Variants in TMEM132D observed in about 807,000 individuals in gnomAD.
The protein encoded by TMEM132D is mature OL transmembrane protein.
Under a neutral mutation model 62.3 loss-of-function variants are expected in TMEM132D, and 21 were observed. The observed-to-expected ratio is 0.34, with a 90% CI of 0.24 to 0.49. The LOEUF is 0.49. Ranked by LOEUF, TMEM132D falls within the 20% of genes least tolerant of loss-of-function variation. The pLI is 0.99. For synonymous variants in TMEM132D, 621 were observed against 575.6 expected (o/e 1.08, Z -1.13); for missense variants, 1,346 against 1,402.8 (o/e 0.96, Z 0.65).
Position 129,587,863 on chromosome 12 carries a change from G to A in TMEM132D, c.969-56658C>T, listed in dbSNP as rs546718592. Among the ~76,000 whole-genome samples, 9 of 152,232 alleles carry A rather than the reference G, an allele frequency of 5.9e-5. No homozygotes were observed. The East Asian group carries it at 7.7e-4, about 13-fold the overall frequency. Reference sequence around the variant, plus strand: ...TATTGATGATATAAAAAATAAAATCGCACGCATGGTGCCTCAAACCAACAG... The same window carrying A: ...TATTGATGATATAAAAAATAAAATCACACGCATGGTGCCTCAAACCAACAG... On this transcript the variant is annotated intron_variant, in intron 2 of 8. Transcript: ENST00000422113.
At chr12:129,687,380 C>T (rs1347955097) in intron 2 of TMEM132D, among the ~76,000 whole-genome samples, 2 of 151,990 alleles carry the variant, frequency 1.3e-5, no homozygotes, top group Non-Finnish European at 2.9e-5. Context: ...CTGCAGTGAA[C>T]ATCTGTCATG....
chr12:129,860,501 G>A (rs1013165655), intron 1 of TMEM132D, among the ~76,000 whole-genome samples: 5 of 152,218 alleles, frequency 3.3e-5, no homozygotes, highest in African/African-American at 1.2e-4. Flanking sequence ...AAACTCGTCT[G>A]CATCAAACTT....
chr12:129,376,015 T>C (rs1014200267), intron 3 of TMEM132D, among the ~76,000 whole-genome samples: 4 of 152,212 alleles, frequency 2.6e-5, no homozygotes, highest in African/African-American at 7.2e-5. Context: ...TTAAACATTT[T>C]TGGGCAGAAA....
rs754390553 is a variant in TMEM132D, at chr12:129,074,106, G to C, written c.3069C>G (p.Ile1023Met). The C allele has an allele frequency of 1.4e-5, 22 of 1,614,012 alleles. No individual in the cohort carries two copies. Among genetic ancestry groups the C allele is most frequent in the South Asian group, 1.3e-4 (12 of 91,072 alleles). Residue 1023 changes from isoleucine (I) to methionine (M), a missense_variant, in exon 9 of 9, where the codon ATC (isoleucine) becomes ATG (methionine). Ile to Met is a conservative substitution (Grantham distance 10). Coordinates refer to ENST00000422113, the MANE Select transcript of TMEM132D (RefSeq NM_133448.3). ...NGQLFKPLGP[I>M]IIDGKDQKSE... ...TTTTCTGATCTTTCCCATCAATGAT[G>C]ATGGGTCCCAAAGGTTTGAACAGCT... is the stretch of plus-strand genomic sequence containing the variant.
At chr12:129,509,358 A>G (rs1471219343) in intron 3 of TMEM132D, among the ~76,000 whole-genome samples, 11 of 152,188 alleles carry the variant, frequency 7.2e-5, no homozygotes, top group East Asian at 1.9e-4. Flanking sequence ...GTGGGTACAT[A>G]CTAGGTATAT....
intron 3 of TMEM132D, among the ~76,000 whole-genome samples, chr12:129,518,955 A>G (rs769558308): frequency 5.3e-5 from 8 of 152,216 alleles, no homozygotes; most frequent in Non-Finnish European, 8.8e-5. Context: ...TCTTTTCTAC[A>G]TAGGAAGTTC....
intron 2 of TMEM132D, among the ~76,000 whole-genome samples, chr12:129,537,193 A>G (rs1876421032): frequency 6.6e-6 from 1 of 150,422 alleles, no homozygotes; most frequent in Non-Finnish European, 1.5e-5. Flanking sequence ...CAACCTTTAT[A>G]TAGGTTTTTA....
At chr12:129,164,414 C>T (rs563363357) in intron 5 of TMEM132D, among the ~76,000 whole-genome samples, 2 of 152,296 alleles carry the variant, frequency 1.3e-5, no homozygotes, top group South Asian at 4.1e-4. Context: ...TTGGCAAGTA[C>T]TTGGAGCAAC....
chr12:129,226,647 T>C (rs975345273), intron 4 of TMEM132D, among the ~76,000 whole-genome samples: 1 of 152,236 alleles, frequency 6.6e-6, no homozygotes, highest in Non-Finnish European at 1.5e-5. Context: ...TGTCCTGATT[T>C]TCCCAGAGGA....
intron 3 of TMEM132D, among the ~76,000 whole-genome samples, chr12:129,388,585 CG>C (rs1566053558): frequency 1.8e-4 from 20 of 111,556 alleles, no homozygotes; most frequent in African/African-American, 6.2e-4. Context: ...ACACTAACAC[CG>C]ACACCAATAC....
intron 3 of TMEM132D, among the ~76,000 whole-genome samples, chr12:129,421,745 C>A (rs758967810): frequency 1.3e-5 from 2 of 152,016 alleles, no homozygotes; most frequent in Non-Finnish European, 2.9e-5. Context: ...GGCTTTTGTA[C>A]CCGTGTTTAT....
intron 5 of TMEM132D, among the ~76,000 whole-genome samples, chr12:129,100,588 A>G (rs1875270478): frequency 6.6e-6 from 1 of 152,238 alleles, no homozygotes; most frequent in Admixed American, 6.5e-5. Context: ...AAAATCAGCC[A>G]GCCCAATTCT....
At chr12:129,187,008 C>G (rs888115616) in intron 5 of TMEM132D, among the ~76,000 whole-genome samples, 14 of 152,178 alleles carry the variant, frequency 9.2e-5, no homozygotes, top group Non-Finnish European at 1.8e-4. Flanking sequence ...AAATAATTAG[C>G]TGCTCTGGGC....
intron 5 of TMEM132D, among the ~76,000 whole-genome samples, chr12:129,182,838 G>A (rs116674280): frequency 2.0e-4 from 31 of 152,286 alleles, no homozygotes; most frequent in African/African-American, 6.5e-4. Context: ...AAAGCTTAGC[G>A]GCTAAAACAA....
intron 1 of TMEM132D, among the ~76,000 whole-genome samples, chr12:129,799,617 C>T (rs547896489): frequency 6.6e-5 from 10 of 152,076 alleles, no homozygotes; most frequent in Admixed American, 2.6e-4. Context: ...CCTGGGTCAC[C>T]CAGTTGGCCC....
intron 2 of TMEM132D, among the ~76,000 whole-genome samples, chr12:129,595,702 G>C (rs1878317313): frequency 1.3e-5 from 2 of 152,204 alleles, no homozygotes; most frequent in African/African-American, 2.4e-5. Flanking sequence ...GTAGCCTTCT[G>C]ACCCTGGGGG....
At chr12:129,120,257 C>T (rs144140572) in intron 5 of TMEM132D, among the ~76,000 whole-genome samples, 7 of 152,158 alleles carry the variant, frequency 4.6e-5, no homozygotes, top group Admixed American at 1.3e-4. Context: ...GGGGCAAGAG[C>T]GAAAGACATC....
intron 1 of TMEM132D, among the ~76,000 whole-genome samples, chr12:129,737,280 A>G (rs1869456756): frequency 3.9e-5 from 6 of 152,226 alleles, no homozygotes; most frequent in Admixed American, 2.6e-4. Flanking sequence ...GTCTCCAGGC[A>G]TTGCCAAGTA....
intron 2 of TMEM132D, among the ~76,000 whole-genome samples, chr12:129,581,481 C>T (rs1877861830): frequency 1.3e-5 from 2 of 152,174 alleles, no homozygotes; most frequent in Non-Finnish European, 2.9e-5. Context: ...TTAGGGAAGC[C>T]GACAGTGCAG....
Sources: allele counts gnomAD v4.1 joint callset (sites outside exome capture counted in the v4.1 genomes callset), GRCh38; gene constraint gnomAD v4.1.1; transcripts MANE v1.5; gene names NCBI Gene and HGNC (gene_info 2026-07-23, HGNC 2026-07-21).